The following CARMIL1 variants were observed in gnomAD, a reference collection of about 807,000 sequenced individuals.
CARMIL1 encodes the protein capping protein regulator and myosin 1 linker 1.
A neutral mutation model predicts 177.1 loss-of-function variants in CARMIL1; 90 were observed. The ratio of observed to expected loss-of-function variants is 0.51; its 90% CI spans 0.43 to 0.61. The LOEUF (loss-of-function observed/expected upper bound fraction) is 0.61. Ranked by LOEUF, CARMIL1 falls within the 20% of genes least tolerant of loss-of-function variation. CARMIL1 has a pLI of 0.00. For missense variants in CARMIL1, 1,380 were observed against 1,667.0 expected (o/e 0.83, Z 3.00); for synonymous variants, 577 against 606.2 (o/e 0.95, Z 0.71).
chr6:25,550,915 G>A lies in CARMIL1; in HGVS notation c.2334G>A (p.Leu778=). 6.2e-7 allele frequency: 1 copy of A among 1,613,058 alleles called. No homozygotes were observed. Among genetic ancestry groups the A allele is most frequent in the Non-Finnish European group, 8.5e-7 (1 of 1,179,362 alleles). The change falls in exon 27 of 37, where the codon TTG becomes TTA. Residue 778 remains leucine (L), a synonymous_variant. Transcript: ENST00000329474. ...TCACTTGTGCTGCATTGCAGGCGTT[G>A]CTTGAGTCCATGGTTGATGCTGCTG... The part of the protein sequence containing the change: ...TRVVDEQLKA[L]LESMVDAAEN...
At chr6:25,313,410 C>T (rs1337720644) in intron 2 of CARMIL1, among the ~76,000 whole-genome samples, 3 of 152,160 alleles carry the variant, frequency 2.0e-5, no homozygotes, top group African/African-American at 7.2e-5. Flanking sequence ...CCTGATGCAC[C>T]TTCCCTGCTC....
chr6:25,401,030 A>G (rs927908474), intron 2 of CARMIL1, among the ~76,000 whole-genome samples: 1 of 152,172 alleles, frequency 6.6e-6, no homozygotes, highest in African/African-American at 2.4e-5. Context: ...GATTTATGAT[A>G]TAGTTCTAGT....
rs1276539589 is a variant in CARMIL1 at position 25,577,868 on chromosome 6, C to T, written c.2743-3056C>T. The stretch of plus-strand genomic sequence containing the variant: ...TGGCCTTTTTGTTCACAGTGTCTGC[C>T]ACAATGGGGACTTATTGATGATTTG... On this transcript the variant is annotated intron_variant, in intron 29 of 36. Coordinates refer to ENST00000329474, the MANE Select transcript of CARMIL1 (RefSeq NM_017640.6). The surrounding 1 kb of genome is among the most constrained non-coding windows in gnomAD (Gnocchi z 4.5). Among the ~76,000 whole-genome samples the T allele has an allele frequency of 1.3e-5, 2 of 152,080 alleles. No individual in the cohort carries two copies. The highest frequency in any genetic ancestry group is 4.8e-5 in the African/African-American group (2 of 41,392).
intron 2 of CARMIL1, among the ~76,000 whole-genome samples, chr6:25,303,330 C>T (rs560097944): frequency 6.6e-6 from 1 of 152,250 alleles, no homozygotes; most frequent in South Asian, 2.1e-4. Flanking sequence ...ATCTCATTTC[C>T]TATTGGTTCC....
intron 29 of CARMIL1, among the ~76,000 whole-genome samples, chr6:25,572,727 A>T (rs1385732046): frequency 6.8e-6 from 1 of 146,876 alleles, no homozygotes; most frequent in Non-Finnish European, 1.5e-5. Flanking sequence ...AAAAAAAAAA[A>T]GGTGGACATC....
intron 5 of CARMIL1, among the ~76,000 whole-genome samples, chr6:25,438,484 T>C (rs1797425040): frequency 6.6e-6 from 1 of 152,182 alleles, no homozygotes; most frequent in Admixed American, 6.5e-5. Flanking sequence ...AACTTCTGTC[T>C]CCAAAGGCCT....
intron 5 of CARMIL1, among the ~76,000 whole-genome samples, chr6:25,442,658 T>C (rs1797882509): frequency 6.6e-6 from 1 of 152,192 alleles, no homozygotes; most frequent in African/African-American, 2.4e-5. Context: ...AATTTAGTTT[T>C]TACAACTTTA....
intron 25 of CARMIL1, 132 bp from the exon 26 acceptor site, chr6:25,539,815 T>C (rs1029319366): frequency 1.7e-6 from 1 of 594,076 alleles, no homozygotes; most frequent in Non-Finnish European, 2.6e-6. Flanking sequence ...TTTATTAATC[T>C]GTGCAAAGAG....
intron 2 of CARMIL1, among the ~76,000 whole-genome samples, chr6:25,379,725 G>A (rs1422641375): frequency 6.6e-6 from 1 of 152,162 alleles, no homozygotes; most frequent in African/African-American, 2.4e-5. Flanking sequence ...CAGGGGCCGG[G>A]ATTGCTATAT....
chr6:25,506,990 A>G (rs1804976010), intron 17 of CARMIL1, among the ~76,000 whole-genome samples: 1 of 152,162 alleles, frequency 6.6e-6, no homozygotes, highest in African/African-American at 2.4e-5. Flanking sequence ...CTTGAATGAG[A>G]GGATACTACT....
intron 36 of CARMIL1, among the ~76,000 whole-genome samples, chr6:25,612,221 T>G (rs1225063771): frequency 6.6e-6 from 1 of 152,254 alleles, no homozygotes; most frequent in Non-Finnish European, 1.5e-5. Context: ...ATTTTGACTT[T>G]ATCAGCTTGT....
At chr6:25,354,910 G>A (rs80293522) in intron 2 of CARMIL1, among the ~76,000 whole-genome samples, 4,129 of 152,294 alleles carry the variant, frequency 0.027, 66 homozygotes, top group Middle Eastern at 0.089. Flanking sequence ...GACCCAGTGT[G>A]ATGCTGACCT....
At chr6:25,501,874 A>T (rs1007894028) in intron 17 of CARMIL1, among the ~76,000 whole-genome samples, 1 of 152,086 alleles carries the variant, frequency 6.6e-6, no homozygotes, top group Non-Finnish European at 1.5e-5. Context: ...GTACCATATA[A>T]ATTGTTAGTG....
At chr6:25,550,589 G>T (rs1338357556) in intron 26 of CARMIL1, among the ~76,000 whole-genome samples, 1 of 152,094 alleles carries the variant, frequency 6.6e-6, no homozygotes, top group Non-Finnish European at 1.5e-5. Context: ...GTGTATAAAG[G>T]CTTGATGTTT....
At chr6:25,367,800 C>T (rs1052003770) in intron 2 of CARMIL1, among the ~76,000 whole-genome samples, 6 of 152,200 alleles carry the variant, frequency 3.9e-5, no homozygotes, top group African/African-American at 1.4e-4. Flanking sequence ...GGTCTGTCGC[C>T]TAGGCTGGAG....
chr6:25,520,493 G>A (rs567614740), intron 23 of CARMIL1, among the ~76,000 whole-genome samples, 156 bp downstream of exon 23: 1 of 152,032 alleles, frequency 6.6e-6, no homozygotes, highest in Non-Finnish European at 1.5e-5. Flanking sequence ...CACAACTGGG[G>A]TAATGCATGA....
chr6:25,577,698 G>T lies in CARMIL1; in HGVS notation c.2743-3226G>T, dbSNP rs1344470619. On this transcript the variant is annotated intron_variant, in intron 29 of 36. Transcript: ENST00000329474. The surrounding 1 kb of genome is among the most constrained non-coding windows in gnomAD (Gnocchi z 4.5). ...CGTTGTTTGGAAGGTTCCAAGATTA[G>T]TCTTTAACTTGTAGTAAAAGTAGAC... Among the ~76,000 whole-genome samples, 1 of 152,104 alleles carries T rather than the reference G, an allele frequency of 6.6e-6. No individual in the cohort carries two copies. Among genetic ancestry groups the T allele is most frequent in the Non-Finnish European group, 1.5e-5 (1 of 68,004 alleles).
intron 29 of CARMIL1, among the ~76,000 whole-genome samples, chr6:25,575,353 T>C (rs752393769): frequency 6.6e-6 from 1 of 152,218 alleles, no homozygotes; most frequent in Non-Finnish European, 1.5e-5. Context: ...TGCTTGCCTG[T>C]CATTTTAGGA....
chr6:25,606,112 C>T lies in CARMIL1; in HGVS notation c.3686C>T (p.Pro1229Leu). ...GAGAACCGCTTTGGTTTGGGAACACCAGAAAAGAATACCAAAGCAGAACCC... is the reference window on the plus strand; with the variant it reads ...GAGAACCGCTTTGGTTTGGGAACACTAGAAAAGAATACCAAAGCAGAACCC... ...LPENRFGLGT[P>L]EKNTKAEPKA... Residue 1229 changes from proline to leucine, a missense_variant, in exon 35 of 37, where the codon CCA becomes CTA. Transcript: ENST00000329474. 1.2e-6 allele frequency: 2 copies of T among 1,613,908 alleles called. No homozygotes were observed. The highest frequency in any genetic ancestry group is 1.7e-6 in the Non-Finnish European group (2 of 1,179,900).
Sources: gnomAD v4.1 joint callset for allele counts (sites outside exome capture counted in the v4.1 genomes callset) on GRCh38, gnomAD v4.1.1 for gene constraint, Gnocchi (gnomAD v3.1) non-coding constraint, MANE v1.5 for transcripts, NCBI Gene and HGNC (gene_info 2026-07-23, HGNC 2026-07-21) for gene names.